Variants in CACNA1D observed in about 807,000 individuals in gnomAD.
The protein encoded by CACNA1D is voltage-dependent L-type calcium channel subunit alpha-1D.
CACNA1D carries 55 observed loss-of-function variants against 257.1 expected under a neutral mutation model. The ratio of observed to expected loss-of-function variants is 0.21; its 90% CI spans 0.17 to 0.27. The LOEUF is 0.27. Ranked by LOEUF, CACNA1D falls within the 10% of genes least tolerant of loss-of-function variation. The pLI, the probability that CACNA1D is intolerant of heterozygous loss-of-function variation, is 1.00. For missense variants in CACNA1D, 1,876 were observed against 2,784.0 expected, an observed-to-expected ratio of 0.67 and a Z score of 7.34; for synonymous variants, 980 against 1,014.9, an observed-to-expected ratio of 0.97 and a Z score of 0.65.
intron 3 of CACNA1D, among the ~76,000 whole-genome samples, chr3:53,550,091 C>T (rs996068600): frequency 6.6e-6 from 1 of 152,028 alleles, no homozygotes; most frequent in Non-Finnish European, 1.5e-5. Flanking sequence ...TCATAGAAAG[C>T]GAATTGGCTC....
intron 39 of CACNA1D, chr3:53,781,993 A>G (rs1276622792): frequency 3.4e-6 from 1 of 295,772 alleles, no homozygotes; most frequent in Non-Finnish European, 6.4e-6. Flanking sequence ...CCAAAATGAA[A>G]TATTCAAAAC....
intron 3 of CACNA1D, among the ~76,000 whole-genome samples, chr3:53,605,633 C>T (rs2093499562): frequency 6.6e-6 from 1 of 152,140 alleles, no homozygotes; most frequent in African/African-American, 2.4e-5. Flanking sequence ...TGCGTGTGGC[C>T]CACCTTTAAG....
chr3:53,691,666 G>A (rs921677929), intron 8 of CACNA1D, among the ~76,000 whole-genome samples: 3 of 110,960 alleles, frequency 2.7e-5, no homozygotes, highest in South Asian at 2.7e-4. Context: ...GTGTGTGTGT[G>A]TATATATGTA....
rs1423406066 is a variant in CACNA1D, at chr3:53,726,896, C to T, written c.2118C>T (p.Asp706=). 1 of 1,614,202 alleles carries T rather than the reference C, an allele frequency of 6.2e-7. No individual in the cohort carries two copies. The highest frequency in any genetic ancestry group is 1.3e-5 in the African/African-American group (1 of 75,052). The change falls in exon 15 of 48, where the codon GAC becomes GAT. Residue 706 remains aspartate, a synonymous_variant. Coordinates refer to ENST00000350061, the MANE Select transcript of CACNA1D (RefSeq NM_001128840.3). ...CTTCTCAGATCCTGACAGGCGAAGA[C>T]TGGAATGCTGTGATGTACGATGGCA... is the stretch of plus-strand genomic sequence containing the variant. ...LTVFQILTGE[D]WNAVMYDGIM...
chr3:53,513,621 C>A (rs976485280), intron 3 of CACNA1D, among the ~76,000 whole-genome samples: 4 of 152,078 alleles, frequency 2.6e-5, no homozygotes, highest in Admixed American at 2.6e-4. Context: ...GTGACTGAGA[C>A]CCCGTCTGAA....
At chr3:53,608,352 T>G (rs920852916) in intron 3 of CACNA1D, among the ~76,000 whole-genome samples, 37 of 152,246 alleles carry the variant, frequency 2.4e-4, no homozygotes, top group African/African-American at 8.4e-4. Context: ...CATAACCTTG[T>G]AAACTCATTT....
At chr3:53,536,481 G>A (rs1296980398) in intron 3 of CACNA1D, among the ~76,000 whole-genome samples, 1 of 152,162 alleles carries the variant, frequency 6.6e-6, no homozygotes, top group Non-Finnish European at 1.5e-5. Context: ...CAGGTTAAAA[G>A]ACATAAAAAT....
chr3:53,682,859 G>A (rs1212279715), intron 8 of CACNA1D, among the ~76,000 whole-genome samples: 2 of 152,046 alleles, frequency 1.3e-5, no homozygotes, highest in Non-Finnish European at 2.9e-5. Context: ...ACAAAAGACT[G>A]GGCAAAAAAT....
At position 53,505,115 on chromosome 3, in the gene CACNA1D, G is replaced by GTTT. The variant is rs35938386; in HGVS notation, c.483+3414_483+3416dup. 7.1e-3 allele frequency among the ~76,000 whole-genome samples: 689 copies of GTTT among 97,534 alleles called. 10 individuals carry two copies. The highest frequency in any genetic ancestry group is 0.011 in the African/African-American group (263 of 24,170). 64.0% of individuals were successfully genotyped at this position (97,534 alleles called of 152,430 possible). On this transcript the variant is annotated intron_variant, in intron 3 of 47. Transcript: ENST00000350061. Reference sequence around the variant, plus strand: ...CCAGGTGCTTTTTATTTGTTTATTTGTTTTTTTTTTTTTTTTTTTTTGAGG... The same window carrying GTTT: ...CCAGGTGCTTTTTATTTGTTTATTTGTTTTTTTTTTTTTTTTTTTTTTTTGAGG...
intron 26 of CACNA1D, chr3:53,748,940 A>G (rs1487669265): frequency 2.3e-6 from 1 of 433,030 alleles, no homozygotes; most frequent in Non-Finnish European, 4.3e-6. Flanking sequence ...CAGTGTGCAT[A>G]GTTTTCACTT....
chr3:53,741,221 T>G (rs1282176056), intron 21 of CACNA1D, among the ~76,000 whole-genome samples: 1 of 152,190 alleles, frequency 6.6e-6, no homozygotes, highest in African/African-American at 2.4e-5. Context: ...GTCATTGTGG[T>G]TCTGGGAGAA....
intron 10 of CACNA1D, 33 bp from the exon 11 acceptor site, chr3:53,719,722 C>T (rs1259125402): frequency 1.2e-6 from 2 of 1,608,670 alleles, no homozygotes; most frequent in South Asian, 2.2e-5. Context: ...GCCCTCGGAA[C>T]CAGAATCTTA....
At chr3:53,795,213 CA>C (rs2095502236) in intron 40 of CACNA1D, among the ~76,000 whole-genome samples, 1 of 152,216 alleles carries the variant, frequency 6.6e-6, no homozygotes. Context: ...GTGTGCCAAA[CA>C]GGATCCGTTT....
chr3:53,747,689 GGCCTGAGAT>G (rs2095184041), intron 26 of CACNA1D, among the ~76,000 whole-genome samples: 1 of 152,234 alleles, frequency 6.6e-6, no homozygotes, highest in Non-Finnish European at 1.5e-5. Flanking sequence ...GAAGCAGGGA[GGCCTGAGAT>G]GCCTCAGTCC....
At chr3:53,641,151 G>A (rs958998720) in intron 3 of CACNA1D, among the ~76,000 whole-genome samples, 9 of 152,148 alleles carry the variant, frequency 5.9e-5, no homozygotes, top group Non-Finnish European at 1.0e-4. Flanking sequence ...AGGGGCAGGG[G>A]CACTGTCCTC....
intron 40 of CACNA1D, among the ~76,000 whole-genome samples, chr3:53,799,100 C>T (rs943680363): frequency 6.6e-6 from 1 of 152,222 alleles, no homozygotes; most frequent in South Asian, 2.1e-4. Context: ...GCCTTTAGGG[C>T]TACAGAGCTG....
intron 20 of CACNA1D, among the ~76,000 whole-genome samples, chr3:53,739,904 G>A (rs576346262): frequency 6.6e-5 from 10 of 152,276 alleles, no homozygotes; most frequent in East Asian, 1.9e-4. Context: ...CCAGAAACGC[G>A]GTTAAAAATC....
chr3:53,545,748 CCTT>C (rs1011116328), intron 3 of CACNA1D, among the ~76,000 whole-genome samples: 4 of 152,150 alleles, frequency 2.6e-5, no homozygotes, highest in African/African-American at 9.7e-5. Flanking sequence ...ACTTTCTTCT[CCTT>C]CTCAAAGCAA....
At chr3:53,721,938 C>G (rs2094887440) in intron 11 of CACNA1D, among the ~76,000 whole-genome samples, 1 of 152,188 alleles carries the variant, frequency 6.6e-6, no homozygotes, top group Non-Finnish European at 1.5e-5. Flanking sequence ...GATCCACGTC[C>G]CATATGGTGG....
Sources: gnomAD v4.1 joint callset for allele counts (sites outside exome capture counted in the v4.1 genomes callset) on GRCh38, gnomAD v4.1.1 for gene constraint, MANE v1.5 for transcripts, NCBI Gene and HGNC (gene_info 2026-07-23, HGNC 2026-07-21) for gene names.